The following NUP98 variants were observed in gnomAD, a reference collection of about 807,000 sequenced individuals.
NUP98 encodes the protein nuclear pore complex protein Nup98-Nup96.
Under a neutral mutation model 191.9 loss-of-function variants are expected in NUP98, and 26 were observed. The observed-to-expected ratio is 0.14, with a 90% CI of 0.10 to 0.19. The LOEUF is 0.19. Among genes scored for constraint, NUP98 ranks in the 10% least tolerant of loss-of-function variants. NUP98 has a pLI of 1.00. For missense variants in NUP98, 1,941 were observed against 2,178.8 expected (o/e 0.89, Z 2.17); for synonymous variants, 808 against 778.4 (o/e 1.04, Z -0.63).
In NUP98 at chr11:3,719,395, T is replaced by C. The variant is rs201584660; in HGVS notation, c.2399+17A>G. The C allele has an allele frequency of 8.9e-6, 14 of 1,564,436 alleles. No homozygotes were observed. The highest frequency in any genetic ancestry group is 6.0e-6 in the Non-Finnish European group (7 of 1,164,662). ...GTGATTTAGCTGATAATTTTCTGTATGTACATAAACTCTTACCTATTTAGC... is the reference window on the plus strand; with the variant it reads ...GTGATTTAGCTGATAATTTTCTGTACGTACATAAACTCTTACCTATTTAGC... On this transcript the variant is annotated intron_variant, in intron 18 of 32. Coordinates refer to ENST00000324932, the MANE Select transcript of NUP98 (RefSeq NM_016320.5).
At position 3,679,334 on chromosome 11, in the gene NUP98, T is replaced by C. The variant is rs74049596; in HGVS notation, c.5073+220A>G. 1.4e-3 allele frequency: 927 copies of C among 649,772 alleles called. 9 individuals carry two copies. In the African/African-American group the frequency reaches 0.015, roughly 10 times the overall value. The allele number at this position is 649,772 out of a possible 1,614,324, so 40.3% of individuals were successfully genotyped here. ...TATGGACAAGCCTCAGGAATGTCTATTGCACATACTAGTTGGTAATCAACA... is the reference window on the plus strand; with the variant it reads ...TATGGACAAGCCTCAGGAATGTCTACTGCACATACTAGTTGGTAATCAACA... On this transcript the variant is annotated intron_variant, in intron 31 of 32. Coordinates refer to ENST00000324932, the MANE Select transcript of NUP98 (RefSeq NM_016320.5).
intron 12 of NUP98, among the ~76,000 whole-genome samples, chr11:3,735,925 TACAC>T (rs34958738): frequency 4.0e-5 from 6 of 150,422 alleles, no homozygotes; most frequent in African/African-American, 4.9e-5. Flanking sequence ...TTTGTGCGTG[TACAC>T]ACACACACAC....
rs749607346 is a variant in NUP98 at position 3,779,204 on chromosome 11, A to C, written c.130T>G (p.Ser44Ala). The change falls in exon 3 of 33, where the codon TCT (serine) becomes GCT (alanine). Residue 44 changes from serine (S) to alanine (A), a missense_variant. By Grantham distance (99) the Ser-to-Ala change is moderately conservative. Around this residue, in one of 6 missense-constraint regions of NUP98, gnomAD observed 154 missense variants for 182.9 expected, o/e 0.84. Coordinates refer to ENST00000324932, the MANE Select transcript of NUP98 (RefSeq NM_016320.5). ...AAGAGGCCTCCAGTATTGTTGCTAG[A>C]ACCAAATGCAGATGTTCCAAATGCC... is the stretch of plus-strand genomic sequence containing the variant. Reference protein sequence around the residue: ...GGAFGTSAFGSSNNTGGLFGN... With the variant: ...GGAFGTSAFGASNNTGGLFGN... The C allele has an allele frequency of 6.2e-7, 1 of 1,614,136 alleles. No homozygotes were observed. The highest frequency in any genetic ancestry group is 8.5e-7 in the Non-Finnish European group (1 of 1,180,056).
Position 3,760,597 on chromosome 11 carries a change from T to G in NUP98, c.1116A>C (p.Thr372=), listed in dbSNP as rs1253856255. The G allele has an allele frequency of 6.2e-7, 1 of 1,613,424 alleles. No homozygotes were observed. The highest frequency in any genetic ancestry group is 8.5e-7 in the Non-Finnish European group (1 of 1,179,810). ...STLFGNNKLT[T]FGSSTTSAPS... ...GTGCACTGGTTGTGCTGCTTCCAAA[T>G]GTAGTAAGCTTGTTATTGCCAAACA... The change falls in exon 10 of 33, where the codon ACA becomes ACC. Residue 372 remains threonine (T), a synonymous_variant. Transcript: ENST00000324932.
intron 27 of NUP98, among the ~76,000 whole-genome samples, chr11:3,691,844 G>A (rs981745552): frequency 6.6e-6 from 1 of 152,058 alleles, no homozygotes; most frequent in South Asian, 2.1e-4. Flanking sequence ...GTGAATGACC[G>A]CACCCGGCCT....
chr11:3,753,498 T>C, intron 10 of NUP98, 90 bp from the exon 11 acceptor site: 8 of 977,938 alleles, frequency 8.2e-6, no homozygotes, highest in South Asian at 7.4e-5. Flanking sequence ...AGTCTGACTT[T>C]AAGTTGTGAA....
intron 10 of NUP98, among the ~76,000 whole-genome samples, chr11:3,757,373 G>T (rs1399834241): frequency 6.6e-6 from 1 of 151,908 alleles, no homozygotes; most frequent in African/African-American, 2.4e-5. Context: ...TGTAGTCCCA[G>T]CTACTCAGGA....
chr11:3,693,581 C>T lies in NUP98; in HGVS notation c.4168-206G>A, dbSNP rs149953746. The stretch of plus-strand genomic sequence containing the variant: ...TGACCAACTGATTGATCGATTGATA[C>T]AGAGTTGCACTGTGTGGCCCAGGCT... On this transcript the variant is annotated intron_variant, in intron 26 of 32. Coordinates refer to ENST00000324932, the MANE Select transcript of NUP98 (RefSeq NM_016320.5). 1.5e-3 allele frequency among the ~76,000 whole-genome samples: 226 copies of T among 152,268 alleles called. 1 individual carries two copies. The highest frequency in any genetic ancestry group is 2.3e-3 in the Non-Finnish European group (154 of 68,034).
At chr11:3,768,500 T>C (rs780856222) in intron 8 of NUP98, 81 bp downstream of exon 8, 18 of 1,265,632 alleles carry the variant, frequency 1.4e-5, no homozygotes, top group Middle Eastern at 2.1e-4. Context: ...AGGTAGAATT[T>C]GCTAGTTTGA....
At chr11:3,769,838 T>A (rs941652964) in intron 7 of NUP98, among the ~76,000 whole-genome samples, 1 of 146,946 alleles carries the variant, frequency 6.8e-6, no homozygotes, top group Non-Finnish European at 1.5e-5. Flanking sequence ...AGGTCTGGAG[T>A]TCAGATCAGC....
intron 1 of NUP98, among the ~76,000 whole-genome samples, chr11:3,795,348 A>G (rs1031602591): frequency 1.3e-5 from 2 of 152,206 alleles, no homozygotes; most frequent in African/African-American, 4.8e-5. Context: ...TGGGAGGCTG[A>G]GGTGGGAAGA....
At chr11:3,704,033 G>A (rs1056840055) in intron 22 of NUP98, among the ~76,000 whole-genome samples, 3 of 152,098 alleles carry the variant, frequency 2.0e-5, no homozygotes, top group Non-Finnish European at 4.4e-5. Flanking sequence ...ATTTTACGTG[G>A]CTTTTGTCTA....
intron 29 of NUP98, 90 bp from the exon 30 acceptor site, chr11:3,683,531 C>G (rs1202214607): frequency 3.7e-6 from 5 of 1,342,746 alleles, no homozygotes; most frequent in Non-Finnish European, 5.0e-6. Context: ...GGGGCAGTCT[C>G]TTAAACTGCA....
intron 31 of NUP98, 42 bp downstream of exon 31, chr11:3,679,512 G>A: frequency 6.2e-7 from 1 of 1,613,002 alleles, no homozygotes. Flanking sequence ...TTAAGGGCCT[G>A]AGAAAAGGAA....
chr11:3,713,711 C>T, intron 19 of NUP98, 107 bp downstream of exon 19: 1 of 1,064,840 alleles, frequency 9.4e-7, no homozygotes, highest in African/African-American at 1.6e-5. Context: ...AGAGCAAGAA[C>T]CCCATCAATC....
intron 1 of NUP98, 82 bp downstream of exon 1, chr11:3,797,318 G>A (rs1329253277): frequency 2.5e-6 from 1 of 400,730 alleles, no homozygotes; most frequent in South Asian, 1.2e-4. Context: ...GAGAGGCCCT[G>A]AGACGCCCCG....
chr11:3,692,424 G>A (rs2078345729), intron 27 of NUP98, among the ~76,000 whole-genome samples: 1 of 151,676 alleles, frequency 6.6e-6, no homozygotes, highest in Admixed American at 6.6e-5. Flanking sequence ...TCAGGAGATC[G>A]AGACCATCCT....
At position 3,779,010 on chromosome 11, in the gene NUP98, G is replaced by A; in HGVS notation, c.218C>T (p.Thr73Ile). 1 of 1,614,236 alleles carries A rather than the reference G, an allele frequency of 6.2e-7. No homozygotes were observed. ...AAACCCAAAGCCAGTGCTTGTGGAG[G>A]TAGCTGGCTGGCTAAATGAACTGGT... ...FGTSSFSQPA[T>I]STSTGFGFGT... Residue 73 changes from threonine to isoleucine, a missense_variant, in exon 4 of 33, where the codon ACC (threonine) becomes ATC (isoleucine). Thr to Ile is a moderately conservative substitution (Grantham distance 89). Coordinates refer to ENST00000324932, the MANE Select transcript of NUP98 (RefSeq NM_016320.5).
At chr11:3,692,906 T>C (rs567957395) in intron 27 of NUP98, among the ~76,000 whole-genome samples, 5 of 152,098 alleles carry the variant, frequency 3.3e-5, no homozygotes, top group South Asian at 4.1e-4. Flanking sequence ...ATATAAAATA[T>C]TATATTTAGA....
Sources: gnomAD v4.1 joint callset for allele counts (sites outside exome capture counted in the v4.1 genomes callset) on GRCh38, gnomAD v4.1.1 for gene constraint, gnomAD v4.1.1 regional missense constraint, MANE v1.5 for transcripts, NCBI Gene and HGNC (gene_info 2026-07-23, HGNC 2026-07-21) for gene names.